Variants in BAHCC1 observed in about 807,000 individuals in gnomAD.
BAHCC1 encodes BAH and coiled-coil domain-containing protein 1.
Under a neutral mutation model 88.2 loss-of-function variants are expected in BAHCC1, and 43 were observed. The ratio of observed to expected loss-of-function variants is 0.49; its 90% CI spans 0.38 to 0.63. BAHCC1 has a LOEUF of 0.63. BAHCC1 is among the 20% of genes least tolerant of loss of function. The probability of loss-of-function intolerance (pLI) is 0.00; values close to 1 mark genes in which losing one functional copy is unlikely to be tolerated. For missense variants in BAHCC1, 3,023 were observed against 1,654.8 expected (o/e 1.83, Z -14.34); for synonymous variants, 1,510 against 745.5 (o/e 2.03, Z -16.71).
At position 81,445,144 on chromosome 17, in the gene BAHCC1, A is replaced by G. The variant is rs367675197; in HGVS notation, c.2801A>G (p.Tyr934Cys). 1.6e-5 allele frequency: 12 copies of G among 773,516 alleles called. No homozygotes were observed. The highest frequency in any genetic ancestry group is 2.4e-5 in the Non-Finnish European group (10 of 415,822). 47.9% of individuals were successfully genotyped at this position (773,516 alleles called of 1,614,324 possible). A position where few individuals can be genotyped will look rare whatever the true frequency, so the allele number is the denominator to read the frequency against. The change falls in exon 9 of 28, where the codon TAT becomes TGT. Residue 934 changes from tyrosine (Y) to cysteine (C), a missense_variant. Transcript: ENST00000675386. ...RPQLLRQQEL[Y>C]ALQQQRAAQF... ...CAGCTCCTCCGGCAGCAGGAGCTCTATGCTTTGCAGCAGCAGAGGGCCGCC... is the reference window on the plus strand; with the variant it reads ...CAGCTCCTCCGGCAGCAGGAGCTCTGTGCTTTGCAGCAGCAGAGGGCCGCC...
intron 11 of BAHCC1, among the ~76,000 whole-genome samples, chr17:81,450,849 A>G (rs2064619725): frequency 1.3e-5 from 2 of 152,208 alleles, no homozygotes; most frequent in Admixed American, 1.3e-4. Flanking sequence ...TCGAGGTTGC[A>G]GTGAGCCGTG....
At chr17:81,422,562 C>T (rs2064128155) in intron 2 of BAHCC1, among the ~76,000 whole-genome samples, 2 of 152,270 alleles carry the variant, frequency 1.3e-5, no homozygotes, top group African/African-American at 4.8e-5. Flanking sequence ...TCTCATTCCC[C>T]AGACTGTGGG....
chr17:81,442,994 C>A lies in BAHCC1; in HGVS notation c.1645C>A (p.His549Asn). Residue 549 changes from histidine (H) to asparagine (N), a missense_variant, in exon 5 of 28, where the codon CAC becomes AAC. By Grantham distance (68) the His-to-Asn change is moderately conservative. Transcript: ENST00000675386. ...GGTGGCCCGCATCAGGCACCAGCAG[C>A]ACTTGATGGCCGCCGAGGTGGAGCA... is the stretch of plus-strand genomic sequence containing the variant. ...QKVARIRHQQ[H>N]LMAAEVEQGG... The A allele has an allele frequency of 1.3e-6, 1 of 778,968 alleles. No homozygotes were observed. The highest frequency in any genetic ancestry group is 2.4e-6 in the Non-Finnish European group (1 of 417,856). 48.3% of individuals were successfully genotyped at this position (778,968 alleles called of 1,614,324 possible). A position where few individuals can be genotyped will look rare whatever the true frequency, so the allele number is the denominator to read the frequency against.
At chr17:81,404,084 A>G (rs782124798) in intron 2 of BAHCC1, among the ~76,000 whole-genome samples, 1 of 152,210 alleles carries the variant, frequency 6.6e-6, no homozygotes, top group Admixed American at 6.5e-5. Context: ...ATTCTTAGAA[A>G]TCTTCTCTCA....
intron 2 of BAHCC1, chr17:81,421,998 T>C: frequency 5.6e-6 from 2 of 355,352 alleles, no homozygotes; most frequent in South Asian, 1.9e-5. Flanking sequence ...CTCGGGTGAC[T>C]CCGCTTCCTC....
intron 2 of BAHCC1, among the ~76,000 whole-genome samples, chr17:81,406,141 C>G (rs1327988757): frequency 6.6e-6 from 1 of 152,216 alleles, no homozygotes; most frequent in African/African-American, 2.4e-5. Context: ...CAAAAAGAAG[C>G]CCTCCCTCAA....
intron 11 of BAHCC1, among the ~76,000 whole-genome samples, chr17:81,449,525 G>A (rs569255271): frequency 1.3e-5 from 2 of 152,338 alleles, no homozygotes; most frequent in South Asian, 2.1e-4. Context: ...GTGAGGCCAC[G>A]TGGGAGCCAC....
rs781909536 is a variant in BAHCC1, at chr17:81,419,788, C to CTTTTTTTTTTTT, written c.179-7012_179-7011insTTTTTTTTTTTT. 3.9e-5 allele frequency among the ~76,000 whole-genome samples: 4 copies of CTTTTTTTTTTTT among 102,310 alleles called. 2 individuals are homozygous for CTTTTTTTTTTTT. 67.1% of individuals were successfully genotyped at this position (102,310 alleles called of 152,430 possible). On this transcript the variant is annotated intron_variant, in intron 2 of 27. Transcript: ENST00000675386. ...TGGAGCTGCCGCCATCTCAACGAGGCGTTTTTTTTTTTTTTTTTTTTTACA... is the reference window on the plus strand; with the variant it reads ...TGGAGCTGCCGCCATCTCAACGAGGCTTTTTTTTTTTTGTTTTTTTTTTTTTTTTTTTTTACA...
Position 81,444,421 on chromosome 17 carries a change from C to T in BAHCC1, c.2365C>T (p.Pro789Ser), listed in dbSNP as rs1310398218. The change falls in exon 7 of 28, where the codon CCG (proline) becomes TCG (serine). Residue 789 changes from proline (P) to serine (S), a missense_variant. Physicochemically the swap from Pro to Ser is moderately conservative, Grantham distance 74. Coordinates refer to ENST00000675386, the MANE Select transcript of BAHCC1 (RefSeq NM_001377448.1). Reference protein sequence around the residue: ...DRVEFARIHPPSSCPGDLAPH... With the variant: ...DRVEFARIHPSSSCPGDLAPH... The stretch of plus-strand genomic sequence containing the variant: ...CGTAGAGTTCGCCCGGATCCACCCA[C>T]CGAGCAGCTGCCCTGGGGACCTGGC... 5.3e-6 allele frequency: 4 copies of T among 749,690 alleles called. No individual in the cohort carries two copies. Among genetic ancestry groups the T allele is most frequent in the Non-Finnish European group, 9.9e-6 (4 of 404,410 alleles). The allele number at this position is 749,690 out of a possible 1,614,324, so 46.4% of individuals were successfully genotyped here.
In BAHCC1 at chr17:81,395,587, T is replaced by A. The variant is rs1188695330; in HGVS notation, c.-255T>A. The A allele has an allele frequency of 6.6e-6, 1 of 152,228 alleles. No homozygotes were observed. Among genetic ancestry groups the A allele is most frequent in the African/African-American group, 2.4e-5 (1 of 41,460 alleles). 9.4% of individuals were successfully genotyped at this position (152,228 alleles called of 1,614,324 possible). On this transcript the variant is annotated 5_prime_UTR_variant, in exon 1 of 28. Transcript: ENST00000675386. ...TAGGAATACAAAACAAAGTCACATTTACTGATTTAATTGTATTGCATTCAG... is the reference window on the plus strand; with the variant it reads ...TAGGAATACAAAACAAAGTCACATTAACTGATTTAATTGTATTGCATTCAG...
intron 4 of BAHCC1, 60 bp from the exon 5 acceptor site, chr17:81,441,771 G>A (rs1382694797): frequency 1.2e-5 from 6 of 509,224 alleles, no homozygotes; most frequent in African/African-American, 2.0e-5. Context: ...CTGTCTCAGG[G>A]AGTCTTTCTC....
chr17:81,453,403 G>C (rs963024612), intron 14 of BAHCC1, among the ~76,000 whole-genome samples: 1 of 152,260 alleles, frequency 6.6e-6, no homozygotes, highest in Non-Finnish European at 1.5e-5. Flanking sequence ...ATTGGCGCGT[G>C]CGTGTGCGCA....
intron 26 of BAHCC1, 150 bp downstream of exon 26, chr17:81,462,196 C>T (rs1369633987): frequency 1.7e-6 from 1 of 588,044 alleles, no homozygotes; most frequent in Non-Finnish European, 3.0e-6. Context: ...GAACAAAGAC[C>T]CATCCATGAC....
Position 81,411,695 on chromosome 17 carries a change from A to C in BAHCC1, c.178+11778A>C. 1.7e-5 allele frequency: 5 copies of C among 302,474 alleles called. No individual in the cohort carries two copies. The highest frequency in any genetic ancestry group is 2.3e-5 in the African/African-American group (1 of 44,016). The allele number at this position is 302,474 out of a possible 1,614,324, so 18.7% of individuals were successfully genotyped here. ...AGGCCCTCCAGGCAGCTCCCCTTCC[A>C]CTCTGCCCAGCCCACCCTGCCAGGG... On this transcript the variant is annotated intron_variant, in intron 2 of 27. Transcript: ENST00000675386. This position sits in a 1 kb window ranked among gnomAD's most constrained non-coding sequence, Gnocchi z 6.2.
intron 2 of BAHCC1, among the ~76,000 whole-genome samples, chr17:81,423,356 C>A (rs1217354135): frequency 1.3e-5 from 2 of 152,208 alleles, no homozygotes; most frequent in Non-Finnish European, 2.9e-5. Flanking sequence ...CCCGCCGCCC[C>A]CCTTGCCCCA....
chr17:81,438,534 G>C (rs1555652086), intron 4 of BAHCC1, 42 bp downstream of exon 4: 1 of 741,604 alleles, frequency 1.3e-6, no homozygotes. Context: ...AGGCATGCTG[G>C]AGGTGGGGAG....
At chr17:81,401,237 C>T (rs1183622759) in intron 2 of BAHCC1, 2 of 152,652 alleles carry the variant, frequency 1.3e-5, no homozygotes, top group Non-Finnish European at 2.9e-5. Context: ...AACGGGCTTC[C>T]AGCATTTGCA....
At chr17:81,437,919 CCCCTGGCCTGGGCTGTCCACTGGG>C (rs1284039976) in intron 3 of BAHCC1, among the ~76,000 whole-genome samples, 9 of 152,340 alleles carry the variant, frequency 5.9e-5, no homozygotes, top group African/African-American at 2.2e-4. Flanking sequence ...GCAGCACTGG[CCCCTGGCCTGGGCTGTCCACTGGG>C]CCCTGGGGCC....
chr17:81,460,352 C>T lies in BAHCC1; in HGVS notation c.5981C>T (p.Ala1994Val), dbSNP rs1555658768. The change falls in exon 24 of 28, where the codon GCC (alanine) becomes GTC (valine). Residue 1994 changes from alanine to valine, a missense_variant. Ala to Val is a moderately conservative substitution (Grantham distance 64). Coordinates refer to ENST00000675386, the MANE Select transcript of BAHCC1 (RefSeq NM_001377448.1). ...EFDDGDTGHI[A>V]VSNVRLLPPD... ...GACGATGGGGATACAGGCCACATCG[C>T]CGTCTCCAACGTCAGGCTGCTGCCC... is the stretch of plus-strand genomic sequence containing the variant. The T allele has an allele frequency of 2.6e-6, 2 of 774,962 alleles. No homozygotes were observed. Among genetic ancestry groups the T allele is most frequent in the Admixed American group, 3.4e-5 (2 of 58,390 alleles). 48.0% of individuals were successfully genotyped at this position (774,962 alleles called of 1,614,324 possible). A position where few individuals can be genotyped will look rare whatever the true frequency, so the allele number is the denominator to read the frequency against.
Sources: allele counts gnomAD v4.1 joint callset (sites outside exome capture counted in the v4.1 genomes callset), GRCh38; gene constraint gnomAD v4.1.1; non-coding constraint Gnocchi (gnomAD v3.1); transcripts MANE v1.5; gene names NCBI Gene and HGNC (gene_info 2026-07-23, HGNC 2026-07-21).